Variants in RASAL3 observed in about 807,000 individuals in gnomAD.
RASAL3 encodes RAS protein activator like 3.
In RASAL3, 74 loss-of-function variants were observed where a neutral mutation model predicts 105.5. The ratio of observed to expected loss-of-function variants is 0.70; its 90% confidence interval spans 0.58 to 0.85. RASAL3 has a LOEUF of 0.85. Ranked by LOEUF, RASAL3 falls within the 40% of genes least tolerant of loss-of-function variation. RASAL3 has a pLI of 0.00. For missense variants in RASAL3, 1,352 were observed against 1,392.0 expected (o/e 0.97, Z 0.46); for synonymous variants, 579 against 591.6 (o/e 0.98, Z 0.31).
intron 11 of RASAL3, 61 bp from the exon 12 acceptor site, chr19:15,454,954 C>A: frequency 1.5e-6 from 2 of 1,332,352 alleles, no homozygotes; most frequent in South Asian, 1.4e-5. Flanking sequence ...AGGTTAAAGT[C>A]ATAAGGTTGG....
At chr19:15,464,415 G>C in intron 1 of RASAL3, 38 bp from the exon 2 acceptor site, 1 of 1,525,508 alleles carries the variant, frequency 6.6e-7, no homozygotes, top group Non-Finnish European at 8.9e-7. Context: ...CCCAGTGTCT[G>C]TCCACATACT....
chr19:15,458,560 G>C lies in RASAL3; in HGVS notation c.758C>G (p.Pro253Arg). The C allele has an allele frequency of 6.2e-7, 1 of 1,613,758 alleles. No individual in the cohort carries two copies. Among genetic ancestry groups the C allele is most frequent in the African/African-American group, 1.3e-5 (1 of 75,044 alleles). ...GCAGTGGGGCTCCCCCAGGAGGCTGGGGTGCAGTGGCCAGATCCGCACATC... is the reference window on the plus strand; with the variant it reads ...GCAGTGGGGCTCCCCCAGGAGGCTGCGGTGCAGTGGCCAGATCCGCACATC... ...ERDVRIWPLH[P>R]SLLGEPHCFQ... Residue 253 changes from proline (P) to arginine (R), a missense_variant, in exon 7 of 18, where the codon CCC becomes CGC. Physicochemically the swap from Pro to Arg is moderately radical, Grantham distance 103. Around this residue, in one of 3 missense-constraint regions of RASAL3, gnomAD observed 344 missense variants for 339.6 expected, o/e 1.01. Coordinates refer to ENST00000343625, the MANE Select transcript of RASAL3 (RefSeq NM_022904.3).
Position 15,454,413 on chromosome 19 carries a change from T to A in RASAL3, c.2108A>T (p.Gln703Leu). 6.2e-7 allele frequency: 1 copy of A among 1,613,932 alleles called. No homozygotes were observed. The highest frequency in any genetic ancestry group is 8.5e-7 in the Non-Finnish European group (1 of 1,179,848). Residue 703 changes from glutamine to leucine, a missense_variant, in exon 13 of 18, where the codon CAG becomes CTG. By Grantham distance (113) the Gln-to-Leu change is moderately radical. Transcript: ENST00000343625. ...GYQGSGDLAL[Q>L]LAVLHAQLCT... ...GAGCTGGGCATGCAGGACAGCTAAC[T>A]GGAGGGCCAGATCACCACTGCCCTG...
rs1015176887 is a variant in RASAL3 at position 15,460,155 on chromosome 19, G to A, written c.662+48C>T. The A allele has an allele frequency of 1.0e-5, 15 of 1,491,760 alleles. No individual in the cohort carries two copies. In the African/African-American group the frequency reaches 1.8e-4, roughly 18 times the overall value. 92.4% of individuals were successfully genotyped at this position (1,491,760 alleles called of 1,614,324 possible). On this transcript the variant is annotated intron_variant, in intron 6 of 17. Coordinates refer to ENST00000343625, the MANE Select transcript of RASAL3 (RefSeq NM_022904.3). ...ATGATATGCAGGAGGTGGAGGAGGA[G>A]GGGCCAGTGTTGAACCCCAGCCCCT...
intron 5 of RASAL3, 129 bp from the exon 6 acceptor site, chr19:15,460,387 A>G: frequency 6.2e-6 from 5 of 807,320 alleles, no homozygotes; most frequent in Non-Finnish European, 1.0e-5. Flanking sequence ...ATTAGCAGGA[A>G]TAATAAGAGC....
At chr19:15,461,429 T>TGG in intron 3 of RASAL3, 42 bp downstream of exon 3, 1 of 1,539,682 alleles carries the variant, frequency 6.5e-7, no homozygotes. Context: ...CTCCTCCTTT[T>TGG]TCTTTCTTCC....
intron 8 of RASAL3, 134 bp downstream of exon 8, chr19:15,458,194 C>G (rs964086676): frequency 3.8e-6 from 3 of 779,596 alleles, no homozygotes; most frequent in East Asian, 2.7e-5. Flanking sequence ...GTCTTGGAGC[C>G]GTTGCAACGA....
In RASAL3 at chr19:15,456,029, G is replaced by A; in HGVS notation, c.1721+75C>T. On this transcript the variant is annotated intron_variant, in intron 11 of 17. Coordinates refer to ENST00000343625, the MANE Select transcript of RASAL3 (RefSeq NM_022904.3). The surrounding 1 kb of genome is among the most constrained non-coding windows in gnomAD (Gnocchi z 4.4). ...ACTGAGTGTCTCCTGTATTTTATCT[G>A]GCCACCCTAAACTGGAGGTCGGGGC... 2 of 1,510,016 alleles carry A rather than the reference G, an allele frequency of 1.3e-6. No homozygotes were observed. Among genetic ancestry groups the A allele is most frequent in the Non-Finnish European group, 9.0e-7 (1 of 1,107,658 alleles). 93.5% of individuals were successfully genotyped at this position (1,510,016 alleles called of 1,614,324 possible).
At chr19:15,463,179 G>A (rs984774335) in intron 2 of RASAL3, among the ~76,000 whole-genome samples, 4 of 151,000 alleles carry the variant, frequency 2.6e-5, no homozygotes, top group African/African-American at 7.3e-5. Flanking sequence ...TCCACCTCCC[G>A]GGTTCAAGCG....
In RASAL3 at chr19:15,457,097, C is replaced by T. The variant is rs866560893; in HGVS notation, c.1431+195G>A. The stretch of plus-strand genomic sequence containing the variant: ...CCGCCCCTTACGGGTGATGTTCAGG[C>T]CCCGCCCTTCTAGGTGCCCCGCCCT... On this transcript the variant is annotated intron_variant, in intron 9 of 17. Transcript: ENST00000343625. The surrounding 1 kb of genome is among the most constrained non-coding windows in gnomAD (Gnocchi z 8.6). 6.6e-6 allele frequency among the ~76,000 whole-genome samples: 1 copy of T among 151,952 alleles called. No individual in the cohort carries two copies. The highest frequency in any genetic ancestry group is 2.1e-4 in the South Asian group (1 of 4,806).
In RASAL3 at chr19:15,459,872, CTTG is replaced by C. The variant is rs373618840; in HGVS notation, c.662+328_662+330del. On this transcript the variant is annotated intron_variant, in intron 6 of 17. Transcript: ENST00000343625. The stretch of plus-strand genomic sequence containing the variant: ...TTCTTTCGGCCTCTTGGCCTTTGCA[CTTG>C]TTGTTCCTTCTGCCTGGAATGCTTT... Among the ~76,000 whole-genome samples the C allele has an allele frequency of 5.9e-3, 893 of 152,266 alleles. 11 individuals are homozygous for C. The highest frequency in any genetic ancestry group is 0.021 in the African/African-American group (866 of 41,538).
intron 15 of RASAL3, 141 bp downstream of exon 15, chr19:15,452,966 G>T: frequency 6.8e-7 from 1 of 1,473,808 alleles, no homozygotes; most frequent in Non-Finnish European, 9.2e-7. Context: ...GGAGACTGAA[G>T]CTCAGAGAGG....
rs1412432454 is a variant in RASAL3 at position 15,453,221 on chromosome 19, A to G, written c.2556T>C (p.Pro852=). The G allele has an allele frequency of 1.2e-6, 2 of 1,605,670 alleles. No homozygotes were observed. The highest frequency in any genetic ancestry group is 1.7e-5 in the Admixed American group (1 of 59,124). ...GCAGCGAGGCGGAGTCCCGGGTCCA[A>G]GGCCGGGCGCGGGGCGCTGGTCCCA... is the stretch of plus-strand genomic sequence containing the variant. ...LSMGPAPRAR[P]WTRDSASLPR... is the part of the protein sequence containing the mutation. Residue 852 remains proline (P), a synonymous_variant, in exon 15 of 18, where the codon CCT becomes CCC. Transcript: ENST00000343625. The surrounding 1 kb of genome is among the most constrained non-coding windows in gnomAD (Gnocchi z 4.2).
rs1319549276 is a variant in RASAL3, at chr19:15,451,899, G to T, written c.2932C>A (p.Leu978Met). Residue 978 changes from leucine to methionine, a missense_variant, in exon 18 of 18, where the codon CTG becomes ATG. Physicochemically the swap from Leu to Met is conservative, Grantham distance 15 (BLOSUM62 2). Around this residue, in one of 3 missense-constraint regions of RASAL3, gnomAD observed 920 missense variants for 919.6 expected, o/e 1.00. Transcript: ENST00000343625. ...TGCAGGCTCTGGACAGCATCCCTCA[G>T]CTGAGCCTGAGTTCTCTCCATCTCA... ...LNEMERTQAQ[L>M]RDAVQSLQLS... 6.2e-7 allele frequency: 1 copy of T among 1,608,572 alleles called. No individual in the cohort carries two copies.
At chr19:15,460,504 A>G (rs1267779671) in intron 5 of RASAL3, among the ~76,000 whole-genome samples, 1 of 152,022 alleles carries the variant, frequency 6.6e-6, no homozygotes. Flanking sequence ...TGCAGCCTCA[A>G]ATTTCTGGGC....
chr19:15,462,266 C>A (rs560467691), intron 2 of RASAL3, among the ~76,000 whole-genome samples: 4 of 152,060 alleles, frequency 2.6e-5, no homozygotes, highest in Non-Finnish European at 5.9e-5. Flanking sequence ...GCGGGTGGAT[C>A]ATCTGAGGCT....
chr19:15,457,569 AG>A lies in RASAL3; in HGVS notation c.1153del (p.Leu385TrpfsTer96). On this transcript the variant is annotated frameshift_variant, in exon 9 of 18. Coordinates refer to ENST00000343625, the MANE Select transcript of RASAL3 (RefSeq NM_022904.3). LOFTEE classifies it high-confidence loss of function. This position sits in a 1 kb window ranked among gnomAD's most constrained non-coding sequence, Gnocchi z 8.6. Reference sequence around the variant, plus strand: ...TGGGGCGTCCAGCTCCTCCAGCGCCAGGGCCACGCGGCCCAGCACCGCGCTT... The same window carrying A: ...TGGGGCGTCCAGCTCCTCCAGCGCCAGGCCACGCGGCCCAGCACCGCGCTT... ...PGSAVLGRVA[L>X]ALEELDAPRA... 1 of 1,191,486 alleles carries A rather than the reference AG, an allele frequency of 8.4e-7. No homozygotes were observed. The highest frequency in any genetic ancestry group is 1.0e-6 in the Non-Finnish European group (1 of 955,884). 73.8% of individuals were successfully genotyped at this position (1,191,486 alleles called of 1,614,324 possible).
At chr19:15,452,140 A>G (rs371295044) in intron 16 of RASAL3, 32 bp from the exon 17 acceptor site, 1 of 1,611,782 alleles carries the variant, frequency 6.2e-7, no homozygotes, top group Non-Finnish European at 8.5e-7. Context: ...GGCGAAGGGC[A>G]GAGGCTAAGG....
At chr19:15,454,943 A>C in intron 11 of RASAL3, 50 bp from the exon 12 acceptor site, 2 of 1,395,574 alleles carry the variant, frequency 1.4e-6, no homozygotes, top group Non-Finnish European at 1.9e-6. Context: ...TATGGGCATA[A>C]AGGTTAAAGT....
Sources: allele counts gnomAD v4.1 joint callset (sites outside exome capture counted in the v4.1 genomes callset), GRCh38; gene constraint gnomAD v4.1.1; regional missense constraint gnomAD v4.1.1; non-coding constraint Gnocchi (gnomAD v3.1); transcripts MANE v1.5; gene names NCBI Gene and HGNC (gene_info 2026-07-23, HGNC 2026-07-21).